Variants in TBC1D31 observed in about 807,000 individuals in gnomAD.
TBC1D31 encodes the protein TBC1 domain family member 31.
TBC1D31 carries 99 observed loss-of-function variants against 132.9 expected under a neutral mutation model. The observed-to-expected ratio is 0.74, with a 90% CI of 0.63 to 0.88. The LOEUF (loss-of-function observed/expected upper bound fraction) is 0.88, where lower values mean the gene tolerates loss of function less well. Ranked by LOEUF, TBC1D31 falls within the 40% of genes least tolerant of loss-of-function variation. TBC1D31 has a pLI of 0.00. For missense variants in TBC1D31, 1,134 were observed against 1,256.6 expected (o/e 0.90, Z 1.48); for synonymous variants, 385 against 419.4 (o/e 0.92, Z 1.00).
In TBC1D31 at chr8:123,140,889, G is replaced by A; in HGVS notation, c.2628G>A (p.Gln876=). The A allele has an allele frequency of 6.2e-7, 1 of 1,613,260 alleles. No individual in the cohort carries two copies. Among genetic ancestry groups the A allele is most frequent in the South Asian group, 1.1e-5 (1 of 90,844 alleles). The change falls in exon 18 of 22, where the codon CAG becomes CAA. Residue 876 remains glutamine (Q), a synonymous_variant. Transcript: ENST00000287380. ...KLIEAGETQS[Q]KTQKVIKENL... ...TAGAAGCAGGTGAAACCCAGAGCCA[G>A]AAAACTCAGAAGGTAAAAATATGAT...
At chr8:123,149,197 C>T (rs1306210545) in intron 20 of TBC1D31, among the ~76,000 whole-genome samples, 1 of 152,060 alleles carries the variant, frequency 6.6e-6, no homozygotes, top group Non-Finnish European at 1.5e-5. Context: ...ATGTCCCGCC[C>T]TTCAGATGTT....
chr8:123,079,837 A>G (rs933130474), intron 2 of TBC1D31, among the ~76,000 whole-genome samples: 4 of 108,562 alleles, frequency 3.7e-5, no homozygotes, highest in African/African-American at 1.1e-4. Flanking sequence ...TTCAGCCCCC[A>G]TTACCTTATT....
chr8:123,119,214 C>G (rs1470686932), intron 10 of TBC1D31, among the ~76,000 whole-genome samples: 1 of 152,112 alleles, frequency 6.6e-6, no homozygotes, highest in Admixed American at 6.5e-5. Flanking sequence ...TAAATAGACA[C>G]TTTTTGTGGG....
chr8:123,143,307 C>CTGTG (rs1821883008), intron 19 of TBC1D31, among the ~76,000 whole-genome samples: 1 of 152,098 alleles, frequency 6.6e-6, no homozygotes, highest in South Asian at 2.1e-4. Context: ...ATTATCATCC[C>CTGTG]AAATAAAATT....
intron 7 of TBC1D31, chr8:123,103,419 A>G (rs1027570596): frequency 6.9e-6 from 1 of 145,114 alleles, no homozygotes; most frequent in Non-Finnish European, 1.5e-5. Flanking sequence ...TACTAGCTAA[A>G]CCTTCTTTTC....
chr8:123,130,428 C>T (rs1323126237), intron 16 of TBC1D31, 95 bp downstream of exon 16: 3 of 1,189,214 alleles, frequency 2.5e-6, no homozygotes, highest in Non-Finnish European at 2.3e-6. Flanking sequence ...TTCTTAGAGT[C>T]CACCATGAAT....
chr8:123,139,350 C>A (rs1401026667), intron 17 of TBC1D31, among the ~76,000 whole-genome samples: 1 of 152,172 alleles, frequency 6.6e-6, no homozygotes, highest in Non-Finnish European at 1.5e-5. Flanking sequence ...ATTGTCTCCC[C>A]TCCCCAGGGT....
the TBC1D31 span, among the ~76,000 whole-genome samples, chr8:123,158,473 C>T: frequency 6.6e-6 from 1 of 152,076 alleles, no homozygotes; most frequent in Non-Finnish European, 1.5e-5. Flanking sequence ...GGGTGCCTCC[C>T]AGGGAAAGGA....
chr8:123,110,963 T>C (rs1818381815), intron 10 of TBC1D31, among the ~76,000 whole-genome samples: 1 of 152,210 alleles, frequency 6.6e-6, no homozygotes, highest in Admixed American at 6.5e-5. Context: ...CCAGATCGTT[T>C]AACCCATACA....
At chr8:123,153,749 A>C (rs1190425190), downstream of TBC1D31, among the ~76,000 whole-genome samples, 1 of 152,252 alleles carries the variant, frequency 6.6e-6, no homozygotes, top group Admixed American at 6.5e-5. Flanking sequence ...TAGGGGCTGA[A>C]CTTGGCTAAA....
chr8:123,114,162 G>C (rs769875953), intron 10 of TBC1D31, among the ~76,000 whole-genome samples: 29 of 152,180 alleles, frequency 1.9e-4, no homozygotes, highest in Admixed American at 9.2e-4. Flanking sequence ...CAAAAATTGA[G>C]GGGATATAGT....
At chr8:123,112,782 AT>A (rs1021677602) in intron 10 of TBC1D31, among the ~76,000 whole-genome samples, 201 of 152,332 alleles carry the variant, frequency 1.3e-3, no homozygotes, top group African/African-American at 4.7e-3. Context: ...GCCCTTTTCA[AT>A]TAGAGAAAAC....
chr8:123,151,730 A>G (rs995118717), intron 21 of TBC1D31, 76 bp from the exon 22 acceptor site: 2 of 1,374,470 alleles, frequency 1.5e-6, no homozygotes, highest in Middle Eastern at 1.9e-4. Flanking sequence ...CAACACATTT[A>G]TCTTTAAAAT....
chr8:123,095,858 T>C (rs1816786436), intron 5 of TBC1D31, among the ~76,000 whole-genome samples: 1 of 152,224 alleles, frequency 6.6e-6, no homozygotes, highest in Non-Finnish European at 1.5e-5. Flanking sequence ...TCATTTTGAC[T>C]GGGCCAATCA....
intron 10 of TBC1D31, among the ~76,000 whole-genome samples, chr8:123,115,321 A>G (rs1479279033): frequency 6.6e-6 from 1 of 152,164 alleles, no homozygotes; most frequent in African/African-American, 2.4e-5. Context: ...ATGTTCTTGT[A>G]TTTAGGTTGA....
intron 4 of TBC1D31, among the ~76,000 whole-genome samples, chr8:123,093,284 A>G (rs937900896): frequency 1.3e-5 from 2 of 152,130 alleles, no homozygotes; most frequent in African/African-American, 4.8e-5. Context: ...TTGATACTCA[A>G]AATTATATCT....
At chr8:123,073,118 A>T in intron 1 of TBC1D31, 1 of 551,454 alleles carries the variant, frequency 1.8e-6, no homozygotes, top group Non-Finnish European at 3.3e-6. Context: ...TTTGCTGTGT[A>T]CCGGGACTCT....
At chr8:123,129,007 T>G in intron 14 of TBC1D31, 59 bp from the exon 15 acceptor site, 1 of 1,186,090 alleles carries the variant, frequency 8.4e-7, no homozygotes, top group Non-Finnish European at 1.2e-6. Flanking sequence ...ATACATTTTG[T>G]GTTTTGATGA....
intron 15 of TBC1D31, among the ~76,000 whole-genome samples, chr8:123,129,757 G>A (rs1397927398): frequency 1.3e-5 from 2 of 152,072 alleles, no homozygotes; most frequent in Non-Finnish European, 2.9e-5. Context: ...AGGAGGTCAA[G>A]GCCAGCCTGG....
Sources: allele counts gnomAD v4.1 joint callset (sites outside exome capture counted in the v4.1 genomes callset), GRCh38; gene constraint gnomAD v4.1.1; transcripts MANE v1.5; gene names NCBI Gene and HGNC (gene_info 2026-07-23, HGNC 2026-07-21).